GLT8D2: variants seen among roughly 807,000 people sequenced by gnomAD.
The protein encoded by GLT8D2 is glycosyltransferase 8 domain-containing protein 2.
In GLT8D2, 45 loss-of-function variants were observed where a neutral mutation model predicts 44.5. The ratio of observed to expected loss-of-function variants is 1.01; its 90% CI spans 0.80 to 1.30. The LOEUF (loss-of-function observed/expected upper bound fraction) is 1.30, where lower values mean the gene tolerates loss of function less well. GLT8D2 is among the 50% of genes most tolerant of loss of function. The probability of loss-of-function intolerance (pLI) is 0.00; values close to 1 mark genes in which losing one functional copy is unlikely to be tolerated. For synonymous variants in GLT8D2, 156 were observed against 157.2 expected (o/e 0.99, Z 0.06); for missense variants, 400 against 430.4 (o/e 0.93, Z 0.62).
At chr12:104,040,460 C>G (rs766121579) in intron 1 of GLT8D2, among the ~76,000 whole-genome samples, 7 of 152,060 alleles carry the variant, frequency 4.6e-5, no homozygotes, top group Non-Finnish European at 1.0e-4. Flanking sequence ...AAGTCTTGTT[C>G]TGTCGCCCAG....
At chr12:104,037,486 C>T (rs916320746) in intron 1 of GLT8D2, among the ~76,000 whole-genome samples, 15 of 149,848 alleles carry the variant, frequency 1.0e-4, no homozygotes, top group Non-Finnish European at 1.5e-5. Context: ...ATATCACCAC[C>T]GATAGTACCA....
Position 103,994,363 on chromosome 12 carries a change from A to G in GLT8D2, c.739T>C (p.Leu247=). ...EWKHQRITKQ[L]EKWMQKNVEE... is the part of the protein sequence containing the mutation. ...ACATTCTTTTGCATCCATTTCTCCA[A>G]TTGCTTGGTGATGCGCTGGTGCTTC... The change falls in exon 9 of 11, where the codon TTG becomes CTG. Residue 247 remains leucine (L), a synonymous_variant. Transcript: ENST00000360814. 1.2e-6 allele frequency: 2 copies of G among 1,612,766 alleles called. No individual in the cohort carries two copies. Among genetic ancestry groups the G allele is most frequent in the South Asian group, 1.1e-5 (1 of 90,774 alleles).
chr12:104,049,096 A>C (rs1379961515), intron 1 of GLT8D2, among the ~76,000 whole-genome samples: 1 of 152,198 alleles, frequency 6.6e-6, no homozygotes, highest in Non-Finnish European at 1.5e-5. Flanking sequence ...GCCACACCAG[A>C]ACATTTGGAG....
chr12:103,989,882 C>T (rs951343464), intron 10 of GLT8D2, among the ~76,000 whole-genome samples: 5 of 151,694 alleles, frequency 3.3e-5, no homozygotes, highest in African/African-American at 1.2e-4. Flanking sequence ...GTGGACATTG[C>T]CTTTTAAAAT....
intron 1 of GLT8D2, among the ~76,000 whole-genome samples, chr12:104,025,171 G>A (rs1307756188): frequency 6.6e-6 from 1 of 151,424 alleles, no homozygotes; most frequent in African/African-American, 2.4e-5. Flanking sequence ...ATTTTGCAGA[G>A]CAAAAGTATT....
chr12:104,064,398 C>CT, upstream of GLT8D2: 1 of 600,176 alleles, frequency 1.7e-6, no homozygotes, highest in Non-Finnish European at 2.6e-6. The surrounding 1 kb of genome is among the most constrained non-coding windows in gnomAD (Gnocchi z 7.3). Flanking sequence ...CAGGACCCCC[C>CT]TTCCCCAGCG....
intron 1 of GLT8D2, among the ~76,000 whole-genome samples, chr12:104,027,701 C>CA (rs1878747540): frequency 6.6e-6 from 1 of 152,186 alleles, no homozygotes; most frequent in African/African-American, 2.4e-5. Flanking sequence ...TAACACCTTT[C>CA]AAGTGGATGT....
At chr12:104,058,262 T>G (rs1464150887) in intron 1 of GLT8D2, among the ~76,000 whole-genome samples, 2 of 152,164 alleles carry the variant, frequency 1.3e-5, no homozygotes, top group African/African-American at 4.8e-5. Flanking sequence ...GTGTACAGAC[T>G]GTGAGTTGGG....
intron 1 of GLT8D2, among the ~76,000 whole-genome samples, chr12:104,042,168 C>T (rs1880630890): frequency 6.6e-6 from 1 of 152,138 alleles, no homozygotes; most frequent in Non-Finnish European, 1.5e-5. Context: ...CTAGTAGTAG[C>T]CACATAATAT....
intron 1 of GLT8D2, among the ~76,000 whole-genome samples, chr12:104,033,827 T>C (rs1193634459): frequency 6.6e-6 from 1 of 150,666 alleles, no homozygotes; most frequent in Non-Finnish European, 1.5e-5. Flanking sequence ...TATATATATG[T>C]ATATATTTTT....
At chr12:104,043,458 C>T (rs1387036397) in intron 1 of GLT8D2, among the ~76,000 whole-genome samples, 1 of 152,032 alleles carries the variant, frequency 6.6e-6, no homozygotes, top group African/African-American at 2.4e-5. Flanking sequence ...GTTCGGGTGA[C>T]TCCATTTAGT....
upstream of GLT8D2, among the ~76,000 whole-genome samples, chr12:104,055,100 A>G (rs1280293034): frequency 6.6e-6 from 1 of 152,198 alleles, no homozygotes; most frequent in Non-Finnish European, 1.5e-5. Context: ...GGTTTCCAGG[A>G]CCTGGAGAGA....
rs1172751330 is a variant in GLT8D2, at chr12:104,014,938, T to C, written c.112+75A>G. 4.3e-5 allele frequency: 44 copies of C among 1,033,346 alleles called. No individual in the cohort carries two copies. In the East Asian group the frequency reaches 9.7e-4, roughly 23 times the overall value. 64.0% of individuals were successfully genotyped at this position (1,033,346 alleles called of 1,614,324 possible). A position where few individuals can be genotyped will look rare whatever the true frequency, so the allele number is the denominator to read the frequency against. On this transcript the variant is annotated intron_variant, in intron 4 of 10. Transcript: ENST00000360814. The stretch of plus-strand genomic sequence containing the variant: ...TGTCACTTGTCCCTGAACCCAGCTA[T>C]TGAAAGGACCTAGAGGAACATATTC...
intron 1 of GLT8D2, among the ~76,000 whole-genome samples, chr12:104,043,250 C>T (rs748900584): frequency 6.6e-6 from 1 of 152,158 alleles, no homozygotes; most frequent in East Asian, 1.9e-4. Context: ...CCTTAGGAGA[C>T]TTCATCCTGA....
intron 1 of GLT8D2, among the ~76,000 whole-genome samples, chr12:104,045,933 AAG>A (rs1881076770): frequency 6.9e-6 from 1 of 144,256 alleles, no homozygotes; most frequent in Non-Finnish European, 1.5e-5. Context: ...GAAAGAAAGA[AAG>A]AAAAAGAAAG....
chr12:104,051,987 A>G (rs987836457), upstream of GLT8D2, among the ~76,000 whole-genome samples: 2 of 151,608 alleles, frequency 1.3e-5, no homozygotes, highest in African/African-American at 4.8e-5. Context: ...ATGTATATCT[A>G]TTATGTTATC....
intron 1 of GLT8D2, among the ~76,000 whole-genome samples, chr12:104,047,077 C>T (rs2583271): frequency 0.17 from 26,043 of 152,086 alleles, 2,459 homozygotes; most frequent in Admixed American, 0.23. Context: ...GATCCTCCCA[C>T]CTTACCCTCC....
At chr12:104,055,407 T>C (rs1882098161) in intron 1 of GLT8D2, among the ~76,000 whole-genome samples, 1 of 152,218 alleles carries the variant, frequency 6.6e-6, no homozygotes, top group African/African-American at 2.4e-5. Context: ...ACTCTGTCAT[T>C]CTGCAGCCTG....
chr12:104,003,288 G>C lies in GLT8D2; in HGVS notation c.131C>G (p.Pro44Arg). 6.2e-7 allele frequency: 1 copy of C among 1,613,998 alleles called. No individual in the cohort carries two copies. Among genetic ancestry groups the C allele is most frequent in the Admixed American group, 1.7e-5 (1 of 60,008 alleles). Residue 44 changes from proline to arginine, a missense_variant, in exon 5 of 11, where the codon CCT (proline) becomes CGT (arginine). Physicochemically the swap from Pro to Arg is moderately radical, Grantham distance 103. Coordinates refer to ENST00000360814, the MANE Select transcript of GLT8D2 (RefSeq NM_001384711.1). ...KNDADDESET[P>R]EELEEEIPVV... ...AGGAATCTCTTCTTCCAGTTCTTCA[G>C]GAGTCTCGGATTCATCATCTGGAAA...
Sources: gnomAD v4.1 joint callset for allele counts (sites outside exome capture counted in the v4.1 genomes callset) on GRCh38, gnomAD v4.1.1 for gene constraint, Gnocchi (gnomAD v3.1) non-coding constraint, MANE v1.5 for transcripts, NCBI Gene and HGNC (gene_info 2026-07-23, HGNC 2026-07-21) for gene names.